Variants in BSDC1 observed in about 807,000 individuals in gnomAD.
BSDC1 encodes the protein BSD domain containing 1, also known as BSD domain-containing protein 1.
A neutral mutation model predicts 56.0 loss-of-function variants in BSDC1; 29 were observed. The observed-to-expected ratio is 0.52, with a 90% CI of 0.39 to 0.71. The LOEUF (loss-of-function observed/expected upper bound fraction) is 0.71. Ranked by LOEUF, BSDC1 falls within the 30% of genes least tolerant of loss-of-function variation. The pLI, the probability that BSDC1 is intolerant of heterozygous loss-of-function variation, is 0.00. For synonymous variants in BSDC1, 210 were observed against 215.3 expected (o/e 0.98, Z 0.21); for missense variants, 477 against 548.5 (o/e 0.87, Z 1.30).
In BSDC1 at chr1:32,376,289, A is replaced by AT; in HGVS notation, c.1128_1129insA (p.Ser377IlefsTer17). 6.4e-7 allele frequency: 1 copy of AT among 1,563,208 alleles called. No homozygotes were observed. The highest frequency in any genetic ancestry group is 1.2e-5 in the South Asian group (1 of 85,436). On this transcript the variant is annotated frameshift_variant, in exon 9 of 11. Transcript: ENST00000455895. LOFTEE classifies it high-confidence loss of function. ...TTCTTTCCATTGTTGGAGGGTGTAG[A>AT]CTTCCCACTATCCGAGTTCAGCTCA... is the stretch of plus-strand genomic sequence containing the variant.
chr1:32,391,058 G>A (rs1570179755), intron 2 of BSDC1, among the ~76,000 whole-genome samples: 1 of 152,060 alleles, frequency 6.6e-6, no homozygotes, highest in East Asian at 1.9e-4. Flanking sequence ...TACCTGTAGG[G>A]GGCAAGCAGA....
At chr1:32,385,294 G>A (rs1642625523) in intron 3 of BSDC1, among the ~76,000 whole-genome samples, 1 of 152,104 alleles carries the variant, frequency 6.6e-6, no homozygotes, top group Non-Finnish European at 1.5e-5. Flanking sequence ...AAACAGTATT[G>A]GGGGAGGGGG....
intron 9 of BSDC1, 150 bp from the exon 10 acceptor site, chr1:32,368,700 CTTTT>C: frequency 6.2e-6 from 6 of 960,088 alleles, no homozygotes; most frequent in Non-Finnish European, 8.6e-6. Context: ...ACCAATCGTA[CTTTT>C]TTTTTTTGTT....
chr1:32,367,732 T>A, intron 10 of BSDC1: 2 of 965,280 alleles, frequency 2.1e-6, no homozygotes, highest in Non-Finnish European at 2.5e-6. Context: ...TCCTTGAGCT[T>A]AATAACTGGA....
chr1:32,367,755 G>C, intron 10 of BSDC1: 1 of 938,384 alleles, frequency 1.1e-6, no homozygotes. Flanking sequence ...GGGTTTTGTG[G>C]GGTTTATCAC....
At position 32,386,914 on chromosome 1, in the gene BSDC1, G is replaced by C. The variant is rs1326113495; in HGVS notation, c.73-19C>G. On this transcript the variant is annotated intron_variant, in intron 2 of 10. Coordinates refer to ENST00000455895, the MANE Select transcript of BSDC1 (RefSeq NM_018045.8). ...CAGAGGACTGTGGGAAGACAGAGAG[G>C]GATGCCAGGGCCAGCTGGCCCCACC... The C allele has an allele frequency of 6.3e-7, 1 of 1,597,396 alleles. No individual in the cohort carries two copies. Among genetic ancestry groups the C allele is most frequent in the Non-Finnish European group, 8.6e-7 (1 of 1,166,906 alleles).
chr1:32,374,416 C>A (rs906304519), intron 9 of BSDC1, among the ~76,000 whole-genome samples: 1 of 152,214 alleles, frequency 6.6e-6, no homozygotes, highest in Non-Finnish European at 1.5e-5. Context: ...GAACCCAGAA[C>A]TGTCTGAACT....
At chr1:32,379,306 T>C (rs548032865) in intron 5 of BSDC1, among the ~76,000 whole-genome samples, 2 of 152,266 alleles carry the variant, frequency 1.3e-5, no homozygotes, top group East Asian at 3.9e-4. Context: ...CTCGTTTTCC[T>C]TTCCTTTCCA....
intron 5 of BSDC1, among the ~76,000 whole-genome samples, chr1:32,379,487 T>C (rs1642411632): frequency 6.6e-6 from 1 of 152,138 alleles, no homozygotes; most frequent in Non-Finnish European, 1.5e-5. Flanking sequence ...AAACACACCG[T>C]GTGCTCATTT....
intron 5 of BSDC1, among the ~76,000 whole-genome samples, chr1:32,379,393 A>G (rs1008355150): frequency 6.6e-6 from 1 of 151,792 alleles, no homozygotes; most frequent in Non-Finnish European, 1.5e-5. Flanking sequence ...CCTCCCACTG[A>G]TAATTCCTGT....
Position 32,366,564 on chromosome 1 carries a change from A to G in BSDC1, c.*58T>C. The G allele has an allele frequency of 7.0e-7, 1 of 1,435,944 alleles. No homozygotes were observed. Among genetic ancestry groups the G allele is most frequent in the Non-Finnish European group, 9.6e-7 (1 of 1,042,230 alleles). 89.0% of individuals were successfully genotyped at this position (1,435,944 alleles called of 1,614,324 possible). Reference sequence around the variant, plus strand: ...TTCTCAGTCTTCCAGGGCTGGGCTGAGACGAGCGAGGGAGGCGAGAGATGC... The same window carrying G: ...TTCTCAGTCTTCCAGGGCTGGGCTGGGACGAGCGAGGGAGGCGAGAGATGC... On this transcript the variant is annotated 3_prime_UTR_variant, in exon 11 of 11. Transcript: ENST00000455895.
intron 9 of BSDC1, among the ~76,000 whole-genome samples, chr1:32,368,899 C>T (rs1415942010): frequency 6.6e-6 from 1 of 152,064 alleles, no homozygotes; most frequent in Non-Finnish European, 1.5e-5. Flanking sequence ...GGGGTTTCAC[C>T]ATGTTGGCCA....
At chr1:32,389,171 G>C (rs911898638) in intron 2 of BSDC1, among the ~76,000 whole-genome samples, 1 of 151,960 alleles carries the variant, frequency 6.6e-6, no homozygotes. Flanking sequence ...AGCCAGGATG[G>C]TCTCGATCTC....
intron 2 of BSDC1, 25 bp downstream of exon 2, chr1:32,394,055 G>A (rs1330525752): frequency 1.2e-6 from 2 of 1,602,190 alleles, no homozygotes; most frequent in East Asian, 2.3e-5. Flanking sequence ...CCTGCTGAGG[G>A]AAGAAGGGCA....
At chr1:32,383,562 C>T (rs1043547911) in intron 4 of BSDC1, among the ~76,000 whole-genome samples, 2 of 151,272 alleles carry the variant, frequency 1.3e-5, no homozygotes, top group African/African-American at 4.9e-5. Context: ...GAAGAAAAAA[C>T]CAAACTATCT....
In BSDC1 at chr1:32,367,055, A is replaced by C. The variant is rs934880139; in HGVS notation, c.1261-401T>G. 30 of 998,234 alleles carry C rather than the reference A, an allele frequency of 3.0e-5. No individual in the cohort carries two copies. In the African/African-American group the frequency reaches 5.2e-4, roughly 17 times the overall value. The allele number at this position is 998,234 out of a possible 1,614,324, so 61.8% of individuals were successfully genotyped here. ...GCAGATACTTGGCCCTGGACACAAA[A>C]GACCAGTGTAATCAAGGGCAAGTTA... On this transcript the variant is annotated intron_variant, in intron 10 of 10. Transcript: ENST00000455895.
chr1:32,371,319 T>A (rs1171915450), intron 9 of BSDC1, among the ~76,000 whole-genome samples: 5 of 147,426 alleles, frequency 3.4e-5, no homozygotes, highest in Admixed American at 2.7e-4. Context: ...TTTTTTTTTT[T>A]TTTTTTTATT....
rs538503524 is a variant in BSDC1, at chr1:32,391,516, C to G, written c.72+2564G>C. Among the ~76,000 whole-genome samples, 6 of 152,176 alleles carry G rather than the reference C, an allele frequency of 3.9e-5. No individual in the cohort carries two copies. The East Asian group carries it at 9.6e-4, about 24-fold the overall frequency. On this transcript the variant is annotated intron_variant, in intron 2 of 10. Transcript: ENST00000455895. ...TGAGGTTGGGGAATCTGTGATGGAACCAAAAAGCATTTGGTGCCTTTCTCT... is the reference window on the plus strand; with the variant it reads ...TGAGGTTGGGGAATCTGTGATGGAAGCAAAAAGCATTTGGTGCCTTTCTCT...
chr1:32,373,835 T>C (rs1479979536), intron 9 of BSDC1, among the ~76,000 whole-genome samples: 1 of 152,184 alleles, frequency 6.6e-6, no homozygotes, highest in Non-Finnish European at 1.5e-5. Context: ...CTTTCTTCTT[T>C]TCATCAACTG....
Sources: allele counts gnomAD v4.1 joint callset (sites outside exome capture counted in the v4.1 genomes callset), GRCh38; gene constraint gnomAD v4.1.1; transcripts MANE v1.5; gene names NCBI Gene and HGNC (gene_info 2026-07-23, HGNC 2026-07-21).